The following SOX9 variants were observed in gnomAD, a reference collection of about 807,000 sequenced individuals.
SOX9 encodes the protein transcription factor SOX-9.
Under a neutral mutation model 44.8 loss-of-function variants are expected in SOX9, and 2 were observed. The observed-to-expected ratio is 0.04, with a 90% confidence interval of 0.02 to 0.14. The LOEUF (loss-of-function observed/expected upper bound fraction) is 0.14. Among genes scored for constraint, SOX9 ranks in the 10% least tolerant of loss-of-function variants. The probability of loss-of-function intolerance (pLI) is 1.00; values close to 1 mark genes in which losing one functional copy is unlikely to be tolerated. For synonymous variants in SOX9, 381 were observed against 331.8 expected (o/e 1.15, Z -1.61); for missense variants, 583 against 728.6 (o/e 0.80, Z 2.30).
At position 72,124,616 on chromosome 17, in the gene SOX9, C is replaced by A; in HGVS notation, c.*229C>A. 1.6e-6 allele frequency: 1 copy of A among 615,148 alleles called. No individual in the cohort carries two copies. The highest frequency in any genetic ancestry group is 1.9e-5 in the South Asian group (1 of 51,538). 38.1% of individuals were successfully genotyped at this position (615,148 alleles called of 1,614,324 possible). A position where few individuals can be genotyped will look rare whatever the true frequency, so the allele number is the denominator to read the frequency against. The stretch of plus-strand genomic sequence containing the variant: ...ATCCAAGCGCATTACCCACTTGTGG[C>A]CAATCAGTGGCCAGGCCAACCTTGG... On this transcript the variant is annotated 3_prime_UTR_variant, in exon 3 of 3. Coordinates refer to ENST00000245479, the MANE Select transcript of SOX9 (RefSeq NM_000346.4). This position sits in a 1 kb window ranked among gnomAD's most constrained non-coding sequence, Gnocchi z 4.6.
In SOX9 at chr17:72,125,289, T is replaced by TG. The variant is rs1323466578; in HGVS notation, c.*903dup. Reference sequence around the variant, plus strand: ...TGCACTCTTTTAGTGCATTTCCTCCTGCCTTTGCTTGTTCACTGCAGTCTT... The same window carrying TG: ...TGCACTCTTTTAGTGCATTTCCTCCTGGCCTTTGCTTGTTCACTGCAGTCTT... On this transcript the variant is annotated 3_prime_UTR_variant, in exon 3 of 3. Transcript: ENST00000245479. The TG allele has an allele frequency of 1.8e-5, 4 of 228,194 alleles. No homozygotes were observed. The highest frequency in any genetic ancestry group is 3.5e-5 in the Non-Finnish European group (4 of 114,774). 14.1% of individuals were successfully genotyped at this position (228,194 alleles called of 1,614,324 possible).
rs1031070657 is a variant in SOX9 at position 72,121,214 on chromosome 17, G to C, written c.-178G>C. 6.4e-6 allele frequency: 4 copies of C among 623,114 alleles called. No homozygotes were observed. In the African/African-American group the frequency reaches 7.5e-5, roughly 12 times the overall value. The allele number at this position is 623,114 out of a possible 1,614,324, so 38.6% of individuals were successfully genotyped here. On this transcript the variant is annotated 5_prime_UTR_variant, in exon 1 of 3. Coordinates refer to ENST00000245479, the MANE Select transcript of SOX9 (RefSeq NM_000346.4). The surrounding 1 kb of genome is among the most constrained non-coding windows in gnomAD (Gnocchi z 8.3). ...CACTTGGAGCGGGCAGCTGTGAACT[G>C]GCCACCCCGCGCCTTCCTAAGTGCT... is the stretch of plus-strand genomic sequence containing the variant.
At position 72,123,715 on chromosome 17, in the gene SOX9, C is replaced by A. The variant is rs149355998; in HGVS notation, c.858C>A (p.Ile286=). 2.2e-4 allele frequency: 353 copies of A among 1,614,014 alleles called. 2 individuals are homozygous for A. The African/African-American group carries it at 4.2e-3, about 19-fold the overall frequency. The part of the protein sequence containing the change: ...GELSSDVISN[I]ETFDVNEFDQ... ...TGAGCAGCGACGTCATCTCCAACAT[C>A]GAGACCTTCGATGTCAACGAGTTTG... The change falls in exon 3 of 3, where the codon ATC becomes ATA. Residue 286 remains isoleucine, a synonymous_variant. Coordinates refer to ENST00000245479, the MANE Select transcript of SOX9 (RefSeq NM_000346.4). The surrounding 1 kb of genome is among the most constrained non-coding windows in gnomAD (Gnocchi z 6.5).
In SOX9 at chr17:72,121,469, G is replaced by A. The variant is rs1482055922; in HGVS notation, c.78G>A (p.Met26Ile). ...TGTCCGGCGCCCCCAGCCCCACCAT[G>A]TCCGAGGACTCCGCGGGCTCGCCCT... is the stretch of plus-strand genomic sequence containing the variant. The part of the protein sequence containing the change: ...KGLSGAPSPT[M>I]SEDSAGSPCP... Residue 26 changes from methionine (M) to isoleucine (I), a missense_variant, in exon 1 of 3, where the codon ATG (methionine) becomes ATA (isoleucine). Met to Ile is a conservative substitution (Grantham distance 10). Around this residue, in one of 7 missense-constraint regions of SOX9, gnomAD observed 101 missense variants for 98.6 expected, o/e 1.02. Transcript: ENST00000245479. The surrounding 1 kb of genome is among the most constrained non-coding windows in gnomAD (Gnocchi z 8.3). The A allele has an allele frequency of 6.2e-7, 1 of 1,612,818 alleles. No homozygotes were observed. Among genetic ancestry groups the A allele is most frequent in the African/African-American group, 1.3e-5 (1 of 75,050 alleles).
chr17:72,124,231 G>A lies in SOX9; in HGVS notation c.1374G>A (p.Gln458=), dbSNP rs766214163. The change falls in exon 3 of 3, where the codon CAG becomes CAA. Residue 458 remains glutamine (Q), a synonymous_variant. Transcript: ENST00000245479. This position sits in a 1 kb window ranked among gnomAD's most constrained non-coding sequence, Gnocchi z 4.6. ...CCTACTACAGCCACGCGGCAGGCCAGGGCACCGGCCTCTACTCCACCTTCA... is the reference window on the plus strand; with the variant it reads ...CCTACTACAGCCACGCGGCAGGCCAAGGCACCGGCCTCTACTCCACCTTCA... ...SSSYYSHAAG[Q]GTGLYSTFTY... is the part of the protein sequence containing the mutation. The A allele has an allele frequency of 3.7e-6, 6 of 1,613,352 alleles. No homozygotes were observed. The highest frequency in any genetic ancestry group is 5.1e-6 in the Non-Finnish European group (6 of 1,179,900).
rs1211255730 is a variant in SOX9 at position 72,122,775 on chromosome 17, T to C, written c.488T>C (p.Val163Ala). 6.2e-7 allele frequency: 1 copy of C among 1,613,698 alleles called. No homozygotes were observed. Among genetic ancestry groups the C allele is most frequent in the Admixed American group, 1.7e-5 (1 of 59,996 alleles). ...GTGGAGGAGGCGGAGCGGCTGCGCG[T>C]GCAGCACAAGAAGGACCACCCGGAT... Reference protein sequence around the residue: ...PFVEEAERLRVQHKKDHPDYK... With the variant: ...PFVEEAERLRAQHKKDHPDYK... The change falls in exon 2 of 3, where the codon GTG becomes GCG. Residue 163 changes from valine (V) to alanine (A), a missense_variant. Around this residue, in one of 7 missense-constraint regions of SOX9, gnomAD observed 21 missense variants for 73.6 expected, o/e 0.29. Transcript: ENST00000245479.
Position 72,124,677 on chromosome 17 carries a change from T to C in SOX9, c.*290T>C, listed in dbSNP as rs1485740771. 5.6e-6 allele frequency: 3 copies of C among 534,588 alleles called. No individual in the cohort carries two copies. Among genetic ancestry groups the C allele is most frequent in the Non-Finnish European group, 1.0e-5 (3 of 295,830 alleles). The allele number at this position is 534,588 out of a possible 1,614,324, so 33.1% of individuals were successfully genotyped here. On this transcript the variant is annotated 3_prime_UTR_variant, in exon 3 of 3. Coordinates refer to ENST00000245479, the MANE Select transcript of SOX9 (RefSeq NM_000346.4). The surrounding 1 kb of genome is among the most constrained non-coding windows in gnomAD (Gnocchi z 4.6). ...CAGCGAAATCAACGAGAAACTGGAC[T>C]TTTTAAACCCTCTTCAGAGCAAGCG...
Position 72,124,252 on chromosome 17 carries a change from C to T in SOX9, c.1395C>T (p.Thr465=). ...GCCAGGGCACCGGCCTCTACTCCAC[C>T]TTCACCTACATGAACCCCGCTCAGC... is the stretch of plus-strand genomic sequence containing the variant. ...AAGQGTGLYS[T]FTYMNPAQRP... is the part of the protein sequence containing the mutation. Residue 465 remains threonine, a synonymous_variant, in exon 3 of 3, where the codon ACC becomes ACT. Coordinates refer to ENST00000245479, the MANE Select transcript of SOX9 (RefSeq NM_000346.4). The surrounding 1 kb of genome is among the most constrained non-coding windows in gnomAD (Gnocchi z 4.6). 1.2e-6 allele frequency: 2 copies of T among 1,613,630 alleles called. No individual in the cohort carries two copies. Among genetic ancestry groups the T allele is most frequent in the Non-Finnish European group, 1.7e-6 (2 of 1,180,014 alleles).
Position 72,123,502 on chromosome 17 carries a change from C to T in SOX9, c.686-41C>T, listed in dbSNP as rs753787500. ...CCTAAGACTAGGGCGTCTGCACAGC[C>T]CTTGTTGATTTTCTCGTGCTTGTTC... On this transcript the variant is annotated intron_variant, in intron 2 of 2. Coordinates refer to ENST00000245479, the MANE Select transcript of SOX9 (RefSeq NM_000346.4). This position sits in a 1 kb window ranked among gnomAD's most constrained non-coding sequence, Gnocchi z 6.5. The T allele has an allele frequency of 1.1e-5, 17 of 1,613,604 alleles. No individual in the cohort carries two copies. Among genetic ancestry groups the T allele is most frequent in the Non-Finnish European group, 1.2e-5 (14 of 1,179,910 alleles).
Position 72,121,229 on chromosome 17 carries a change from T to G in SOX9, c.-163T>G, listed in dbSNP as rs559110158. 4 of 656,468 alleles carry G rather than the reference T, an allele frequency of 6.1e-6. No homozygotes were observed. In the East Asian group the frequency reaches 1.1e-4, roughly 18 times the overall value. The allele number at this position is 656,468 out of a possible 1,614,324, so 40.7% of individuals were successfully genotyped here. On this transcript the variant is annotated 5_prime_UTR_variant, in exon 1 of 3. Coordinates refer to ENST00000245479, the MANE Select transcript of SOX9 (RefSeq NM_000346.4). This position sits in a 1 kb window ranked among gnomAD's most constrained non-coding sequence, Gnocchi z 8.3. ...GCTGTGAACTGGCCACCCCGCGCCT[T>G]CCTAAGTGCTCGCCGCGGTAGCCGG... is the stretch of plus-strand genomic sequence containing the variant.
chr17:72,121,876 G>A lies in SOX9; in HGVS notation c.431+54G>A, dbSNP rs1414225403. The A allele has an allele frequency of 2.7e-6, 4 of 1,482,566 alleles. No individual in the cohort carries two copies. Among genetic ancestry groups the A allele is most frequent in the African/African-American group, 2.8e-5 (2 of 71,090 alleles). 91.8% of individuals were successfully genotyped at this position (1,482,566 alleles called of 1,614,324 possible). A position where few individuals can be genotyped will look rare whatever the true frequency, so the allele number is the denominator to read the frequency against. On this transcript the variant is annotated intron_variant, in intron 1 of 2. Transcript: ENST00000245479. This position sits in a 1 kb window ranked among gnomAD's most constrained non-coding sequence, Gnocchi z 8.3. ...GGTGGGCATCGCGGCGGCTGGGGGC[G>A]CTGGTCAGGGCTGATTTGCCCCGCC...
chr17:72,122,629 C>T (rs2143244180), intron 1 of SOX9, 90 bp from the exon 2 acceptor site: 1 of 1,352,386 alleles, frequency 7.4e-7, no homozygotes, highest in Non-Finnish European at 1.0e-6. Context: ...GTCTGGGTCG[C>T]CGCCTCCTCC....
Position 72,123,847 on chromosome 17 carries a change from C to T in SOX9, c.990C>T (p.Ser330=), listed in dbSNP as rs758930824. Residue 330 remains serine, a synonymous_variant, in exon 3 of 3, where the codon AGC becomes AGT. Transcript: ENST00000245479. The surrounding 1 kb of genome is among the most constrained non-coding windows in gnomAD (Gnocchi z 6.5). ...GISSTAATPA[S]AGHVWMSKQQ... is the part of the protein sequence containing the mutation. ...GCAGCACCGCGGCCACCCCGGCGAG[C>T]GCGGGCCACGTGTGGATGTCCAAGC... The T allele has an allele frequency of 1.9e-6, 3 of 1,594,152 alleles. No individual in the cohort carries two copies. The highest frequency in any genetic ancestry group is 2.6e-6 in the Non-Finnish European group (3 of 1,171,816).
In SOX9 at chr17:72,124,584, A is replaced by G. The variant is rs1908226397; in HGVS notation, c.*197A>G. On this transcript the variant is annotated 3_prime_UTR_variant, in exon 3 of 3. Transcript: ENST00000245479. The surrounding 1 kb of genome is among the most constrained non-coding windows in gnomAD (Gnocchi z 4.6). ...GTACCCAAATTTCCAAGACACAAACATGACCTATCCAAGCGCATTACCCAC... is the reference window on the plus strand; with the variant it reads ...GTACCCAAATTTCCAAGACACAAACGTGACCTATCCAAGCGCATTACCCAC... The G allele has an allele frequency of 1.4e-6, 1 of 712,002 alleles. No individual in the cohort carries two copies. The highest frequency in any genetic ancestry group is 2.2e-5 in the Admixed American group (1 of 44,726). The allele number at this position is 712,002 out of a possible 1,614,324, so 44.1% of individuals were successfully genotyped here.
At position 72,123,391 on chromosome 17, in the gene SOX9, G is replaced by A. The variant is rs1319086060; in HGVS notation, c.686-152G>A. 1.3e-5 allele frequency: 14 copies of A among 1,061,602 alleles called. No individual in the cohort carries two copies. The highest frequency in any genetic ancestry group is 2.2e-5 in the Admixed American group (1 of 46,510). The allele number at this position is 1,061,602 out of a possible 1,614,324, so 65.8% of individuals were successfully genotyped here. On this transcript the variant is annotated intron_variant, in intron 2 of 2. Transcript: ENST00000245479. This position sits in a 1 kb window ranked among gnomAD's most constrained non-coding sequence, Gnocchi z 6.5. ...TGTGTACCGGCGGGTTAATCATTGGGCGACTTATCTCCGGTGCAGCGCGCC... is the reference window on the plus strand; with the variant it reads ...TGTGTACCGGCGGGTTAATCATTGGACGACTTATCTCCGGTGCAGCGCGCC...
rs2143246961 is a variant in SOX9 at position 72,122,919 on chromosome 17, C to T, written c.632C>T (p.Ser211Leu). 1.2e-6 allele frequency: 2 copies of T among 1,614,104 alleles called. No individual in the cohort carries two copies. The highest frequency in any genetic ancestry group is 1.7e-6 in the Non-Finnish European group (2 of 1,179,992). Residue 211 changes from serine (S) to leucine (L), a missense_variant, in exon 2 of 3, where the codon TCG becomes TTG. Physicochemically the swap from Ser to Leu is moderately radical, Grantham distance 145. This residue lies in a region of SOX9 where 88 missense variants were observed against 65.5 expected (regional missense o/e 1.34). Transcript: ENST00000245479. ...NAIFKALQAD[S>L]PHSSSGMSEV... is the part of the protein sequence containing the mutation. ...ATCTTCAAGGCGCTGCAGGCCGACT[C>T]GCCACACTCCTCCTCCGGCATGAGC...
At position 72,121,573 on chromosome 17, in the gene SOX9, A is replaced by C; in HGVS notation, c.182A>C (p.Lys61Thr). 2.5e-6 allele frequency: 4 copies of C among 1,608,660 alleles called. No individual in the cohort carries two copies. Among genetic ancestry groups the C allele is most frequent in the Non-Finnish European group, 3.4e-6 (4 of 1,178,000 alleles). Residue 61 changes from lysine to threonine, a missense_variant, in exon 1 of 3, where the codon AAG becomes ACG. Coordinates refer to ENST00000245479, the MANE Select transcript of SOX9 (RefSeq NM_000346.4). The surrounding 1 kb of genome is among the most constrained non-coding windows in gnomAD (Gnocchi z 8.3). ...NTFPKGEPDLKKESEEDKFPV... is the reference protein window; with the variant it reads ...NTFPKGEPDLTKESEEDKFPV... ...TTCCCCAAGGGCGAGCCCGATCTGA[A>C]GAAGGAGAGCGAGGAGGACAAGTTC...
At position 72,126,120 on chromosome 17, in the gene SOX9, GT is replaced by G. The variant is rs1460905387; in HGVS notation, c.*1737del. On this transcript the variant is annotated 3_prime_UTR_variant, in exon 3 of 3. Transcript: ENST00000245479. ...TTATTTAAAAAAAGATATATTAACA[GT>G]TTTAGAAGTCAGTAGAATAAAATCT... The G allele has an allele frequency of 8.6e-6, 2 of 232,016 alleles. No homozygotes were observed. The highest frequency in any genetic ancestry group is 2.2e-5 in the African/African-American group (1 of 45,214). 14.4% of individuals were successfully genotyped at this position (232,016 alleles called of 1,614,324 possible).
rs1171002868 is a variant in SOX9 at position 72,121,482 on chromosome 17, GCGGGCTCGCCCTGCCCGT to G, written c.99_116del (p.Pro34_Ser39del). 1 of 1,611,976 alleles carries G rather than the reference GCGGGCTCGCCCTGCCCGT, an allele frequency of 6.2e-7. No homozygotes were observed. Among genetic ancestry groups the G allele is most frequent in the Non-Finnish European group, 8.5e-7 (1 of 1,179,612 alleles). ...CAGCCCCACCATGTCCGAGGACTCC[GCGGGCTCGCCCTGCCCGT>G]CGGGCTCCGGCTCGGACACCGAGAA... On this transcript the variant is annotated inframe_deletion, in exon 1 of 3. Transcript: ENST00000245479. This position sits in a 1 kb window ranked among gnomAD's most constrained non-coding sequence, Gnocchi z 8.3.
Sources: gnomAD v4.1 joint callset for allele counts on GRCh38, gnomAD v4.1.1 for gene constraint, gnomAD v4.1.1 regional missense constraint, Gnocchi (gnomAD v3.1) non-coding constraint, MANE v1.5 for transcripts, NCBI Gene and HGNC (gene_info 2026-07-23, HGNC 2026-07-21) for gene names.